FRMD4A: variants seen among roughly 807,000 people sequenced by gnomAD.
FRMD4A encodes FERM domain-containing protein 4A.
FRMD4A carries 29 observed loss-of-function variants against 129.1 expected under a neutral mutation model. The observed-to-expected ratio is 0.22, with a 90% CI of 0.17 to 0.31. FRMD4A has a LOEUF of 0.31. Among genes scored for constraint, FRMD4A ranks in the 10% least tolerant of loss-of-function variants. FRMD4A has a pLI of 1.00. For missense variants in FRMD4A, 1,272 were observed against 1,375.8 expected, an observed-to-expected ratio of 0.92 and a Z score of 1.19; for synonymous variants, 634 against 571.6, an observed-to-expected ratio of 1.11 and a Z score of -1.56.
chr10:14,325,099 A>G (rs920806269), intron 2 of FRMD4A, among the ~76,000 whole-genome samples: 5 of 152,212 alleles, frequency 3.3e-5, no homozygotes, highest in Non-Finnish European at 7.3e-5. Flanking sequence ...GTGGGACAAC[A>G]TCTGCAAACG....
In FRMD4A at chr10:13,947,591, TAC is replaced by T. The variant is rs748796572; in HGVS notation, c.46-88681_46-88680del. 6.4e-3 allele frequency among the ~76,000 whole-genome samples: 957 copies of T among 149,628 alleles called. 12 individuals carry two copies. Among genetic ancestry groups the T allele is most frequent in the African/African-American group, 0.02 (823 of 40,610 alleles). ...AAAAGAGACACACATGCAACATGCA[TAC>T]ACACACACACACGTGCACACACACA... is the stretch of plus-strand genomic sequence containing the variant. On this transcript the variant is annotated intron_variant, in intron 2 of 24. Coordinates refer to ENST00000357447, the MANE Select transcript of FRMD4A (RefSeq NM_018027.5).
chr10:13,923,672 C>CT (rs140645620), intron 2 of FRMD4A, among the ~76,000 whole-genome samples: 1 of 151,944 alleles, frequency 6.6e-6, no homozygotes, highest in Non-Finnish European at 1.5e-5. Flanking sequence ...AAAAATCAGA[C>CT]TTTTTTTTAA....
At chr10:14,319,349 C>CT (rs1554809202) in intron 2 of FRMD4A, among the ~76,000 whole-genome samples, 3 of 137,300 alleles carry the variant, frequency 2.2e-5, no homozygotes, top group Non-Finnish European at 4.6e-5. Context: ...ATCTCTCTCT[C>CT]CTCTCTCTCT....
chr10:13,949,799 T>A (rs1220682332), intron 2 of FRMD4A, among the ~76,000 whole-genome samples: 1 of 152,230 alleles, frequency 6.6e-6, no homozygotes, highest in Non-Finnish European at 1.5e-5. Context: ...GCTACCGAGT[T>A]GATACTGGAG....
chr10:14,116,199 C>A (rs772665113), intron 2 of FRMD4A, among the ~76,000 whole-genome samples: 13 of 152,216 alleles, frequency 8.5e-5, no homozygotes, highest in Non-Finnish European at 1.8e-4. Context: ...TGCATCATTA[C>A]TCTGTTCTAT....
chr10:13,842,031 A>G (rs928489191), intron 3 of FRMD4A, among the ~76,000 whole-genome samples: 5 of 152,184 alleles, frequency 3.3e-5, no homozygotes, highest in African/African-American at 9.7e-5. Context: ...TCAGCACGTA[A>G]CACTGCAATA....
At chr10:14,252,717 A>G (rs1022394172) in intron 2 of FRMD4A, among the ~76,000 whole-genome samples, 2 of 152,206 alleles carry the variant, frequency 1.3e-5, no homozygotes, top group Non-Finnish European at 2.9e-5. Context: ...CCATAATATT[A>G]GTTTTTATCC....
chr10:13,817,913 C>T (rs1288632562), intron 3 of FRMD4A, among the ~76,000 whole-genome samples: 1 of 152,130 alleles, frequency 6.6e-6, no homozygotes, highest in Non-Finnish European at 1.5e-5. Flanking sequence ...ACCCAGGCAC[C>T]TCACCAATTC....
chr10:13,760,607 A>G (rs1277922941), intron 8 of FRMD4A, among the ~76,000 whole-genome samples: 1 of 152,130 alleles, frequency 6.6e-6, no homozygotes, highest in Non-Finnish European at 1.5e-5. Context: ...GACCTGAAAA[A>G]CCAGTGACAA....
At chr10:14,228,014 C>G (rs1843505692) in intron 2 of FRMD4A, among the ~76,000 whole-genome samples, 1 of 152,108 alleles carries the variant, frequency 6.6e-6, no homozygotes, top group East Asian at 1.9e-4. Context: ...GCTGCGACTA[C>G]AGGTGCGTGC....
chr10:14,017,678 A>G (rs2095703526), intron 2 of FRMD4A, among the ~76,000 whole-genome samples: 1 of 152,204 alleles, frequency 6.6e-6, no homozygotes, highest in South Asian at 2.1e-4. Context: ...GCAAAGGACA[A>G]TGGCTTTCTT....
At chr10:13,862,065 T>C (rs2094302251) in intron 2 of FRMD4A, among the ~76,000 whole-genome samples, 1 of 152,064 alleles carries the variant, frequency 6.6e-6, no homozygotes, top group Admixed American at 6.6e-5. Flanking sequence ...AGAAGGAAAA[T>C]GGTATCACAT....
chr10:13,794,782 C>T (rs3995590), intron 5 of FRMD4A, among the ~76,000 whole-genome samples: 90,453 of 152,000 alleles, frequency 0.6, 28,111 homozygotes, highest in South Asian at 0.76. Flanking sequence ...ATGGTGGAAG[C>T]GTCTATTATG....
chr10:14,185,584 AAGAAAGAGAAAC>A (rs1171870385), intron 2 of FRMD4A, among the ~76,000 whole-genome samples: 7 of 151,464 alleles, frequency 4.6e-5, no homozygotes, highest in Admixed American at 2.0e-4. Context: ...CTCGTCTTGT[AAGAAAGAGAAAC>A]AGGTAGAGAG....
chr10:14,142,068 A>T (rs950696573), intron 2 of FRMD4A, among the ~76,000 whole-genome samples: 1 of 152,200 alleles, frequency 6.6e-6, no homozygotes, highest in Non-Finnish European at 1.5e-5. Flanking sequence ...ATAATATATG[A>T]CAAAACTCTA....
rs142385601 is a variant in FRMD4A, at chr10:14,102,370, T to C, written c.45+227688A>G. Among the ~76,000 whole-genome samples the C allele has an allele frequency of 3.3e-3, 509 of 152,208 alleles. 5 individuals are homozygous for C. The highest frequency in any genetic ancestry group is 0.01 in the African/African-American group (422 of 41,538). On this transcript the variant is annotated intron_variant, in intron 2 of 24. Transcript: ENST00000357447. ...AGTGAAACCCCATCTCTACTAAAAA[T>C]ACAAAAACTAGCCGGGTGTGGTGGC...
intron 2 of FRMD4A, 94 bp downstream of exon 2, chr10:14,329,964 T>A: frequency 8.6e-7 from 1 of 1,162,940 alleles, no homozygotes; most frequent in Non-Finnish European, 1.3e-6. Flanking sequence ...ATGTTGAACA[T>A]GTCTGCAGCC....
chr10:13,651,671 TCAAAACAAAA>T (rs1228357797), intron 24 of FRMD4A: 1 of 531,004 alleles, frequency 1.9e-6, no homozygotes, highest in East Asian at 3.3e-5. Flanking sequence ...AGACTCTGTC[TCAAAACAAAA>T]CATACTCTGG....
chr10:13,921,459 G>T (rs2446592), intron 2 of FRMD4A, among the ~76,000 whole-genome samples: 1 of 152,000 alleles, frequency 6.6e-6, no homozygotes, highest in Middle Eastern at 3.4e-3. Context: ...TCAGGTCTCA[G>T]TATGTTGCCC....
Sources: allele counts gnomAD v4.1 joint callset (sites outside exome capture counted in the v4.1 genomes callset), GRCh38; gene constraint gnomAD v4.1.1; transcripts MANE v1.5; gene names NCBI Gene and HGNC (gene_info 2026-07-23, HGNC 2026-07-21).